FGFRL1: variants seen among roughly 807,000 people sequenced by gnomAD.
The protein encoded by FGFRL1 is fibroblast growth factor receptor-like 1.
Under a neutral mutation model 36.8 loss-of-function variants are expected in FGFRL1, and 24 were observed. The observed-to-expected ratio is 0.65, with a 90% CI of 0.47 to 0.92. The LOEUF (loss-of-function observed/expected upper bound fraction) is 0.92, where lower values mean the gene tolerates loss of function less well. Ranked by LOEUF, FGFRL1 falls within the 40% of genes least tolerant of loss-of-function variation. The pLI is 0.00. For missense variants in FGFRL1, 785 were observed against 753.4 expected, an observed-to-expected ratio of 1.04 and a Z score of -0.49; for synonymous variants, 422 against 344.1, an observed-to-expected ratio of 1.23 and a Z score of -2.50.
chr4:1,021,977 C>T (rs1338979960), intron 2 of FGFRL1, among the ~76,000 whole-genome samples: 2 of 152,236 alleles, frequency 1.3e-5, no homozygotes, highest in Non-Finnish European at 2.9e-5. Context: ...TGAGAGGCTG[C>T]TGACGTGGTG....
chr4:1,018,829 C>T (rs1716027358), intron 2 of FGFRL1, among the ~76,000 whole-genome samples: 1 of 152,120 alleles, frequency 6.6e-6, no homozygotes, highest in Admixed American at 6.5e-5. Flanking sequence ...TGGGCTTCCT[C>T]CTGGGCAGGC....
At chr4:1,022,782 G>T (rs577306709) in intron 3 of FGFRL1, among the ~76,000 whole-genome samples, 1 of 152,334 alleles carries the variant, frequency 6.6e-6, no homozygotes, top group South Asian at 2.1e-4. Flanking sequence ...CCTTGGCAGG[G>T]TGTGCCGGCC....
Position 1,023,749 on chromosome 4 carries a change from G to T in FGFRL1, c.433+28G>T, listed in dbSNP as rs1191558980. ...GAGCAGGGGGTGACGGGGGTGGGGG[G>T]CGTCCGTCTGTCCCGGCCCCTTGGC... On this transcript the variant is annotated intron_variant, in intron 4 of 6. Coordinates refer to ENST00000510644, the MANE Select transcript of FGFRL1 (RefSeq NM_001004356.3). The surrounding 1 kb of genome is among the most constrained non-coding windows in gnomAD (Gnocchi z 6.0). The T allele has an allele frequency of 6.5e-7, 1 of 1,548,490 alleles. No individual in the cohort carries two copies. Among genetic ancestry groups the T allele is most frequent in the Admixed American group, 1.9e-5 (1 of 51,764 alleles).
intron 2 of FGFRL1, among the ~76,000 whole-genome samples, chr4:1,012,770 G>A (rs943215962): frequency 1.3e-5 from 2 of 152,252 alleles, no homozygotes; most frequent in African/African-American, 2.4e-5. Flanking sequence ...CTGGCTGGAG[G>A]GGTTCCCCTC....
rs1346212293 is a variant in FGFRL1 at position 1,024,107 on chromosome 4, T to C, written c.718+6T>C. ...CTACAAGGTGGATGTGATCCGTGAG[T>C]GTGGCCCCGGGCGCTGGCGGGCGGG... On this transcript the variant is annotated splice_donor_region_variant and intron_variant, in intron 5 of 6. Coordinates refer to ENST00000510644, the MANE Select transcript of FGFRL1 (RefSeq NM_001004356.3). The C allele has an allele frequency of 1.3e-6, 2 of 1,539,040 alleles. No homozygotes were observed. Among genetic ancestry groups the C allele is most frequent in the East Asian group, 2.4e-5 (1 of 41,310 alleles).
chr4:1,022,451 G>A lies in FGFRL1; in HGVS notation c.328G>A (p.Val110Ile), dbSNP rs372607043. 1.4e-5 allele frequency: 22 copies of A among 1,607,960 alleles called. No individual in the cohort carries two copies. The African/African-American group carries it at 1.5e-4, about 11-fold the overall frequency. ...KATNGFGSLSVNYTLVVLDDI... is the reference protein window; with the variant it reads ...KATNGFGSLSINYTLVVLDDI... ...CACCAACGGCTTCGGCAGCCTGAGC[G>A]TCAACTACACCCTCGTCGTGCTGGG... Residue 110 changes from valine (V) to isoleucine (I), a missense_variant, in exon 3 of 7, where the codon GTC (valine) becomes ATC (isoleucine). Physicochemically the swap from Val to Ile is conservative, Grantham distance 29. Transcript: ENST00000510644.
rs1350971212 is a variant in FGFRL1, at chr4:1,024,891, T to C, written c.1073-14T>C. 2 of 1,575,946 alleles carry C rather than the reference T, an allele frequency of 1.3e-6. No homozygotes were observed. The highest frequency in any genetic ancestry group is 8.6e-7 in the Non-Finnish European group (1 of 1,165,434). On this transcript the variant is annotated splice_polypyrimidine_tract_variant and intron_variant, in intron 6 of 6. Coordinates refer to ENST00000510644, the MANE Select transcript of FGFRL1 (RefSeq NM_001004356.3). ...GCGTTCCCCTCCCTACCTCCTTTCC[T>C]CTCGCTCTTGCAGACCCAAAACCGC... is the stretch of plus-strand genomic sequence containing the variant.
chr4:1,025,909 C>T lies in FGFRL1; in HGVS notation c.*562C>T, dbSNP rs1064839. On this transcript the variant is annotated 3_prime_UTR_variant, in exon 7 of 7. Transcript: ENST00000510644. Reference sequence around the variant, plus strand: ...TGTGCACAGATATGCTGTCTGGACACGCACACACATGCAGATATGCTGCCT... The same window carrying T: ...TGTGCACAGATATGCTGTCTGGACATGCACACACATGCAGATATGCTGCCT... 5.3e-3 allele frequency: 871 copies of T among 163,818 alleles called. 4 individuals carry two copies. The highest frequency in any genetic ancestry group is 8.5e-3 in the Admixed American group (142 of 16,672). 10.1% of individuals were successfully genotyped at this position (163,818 alleles called of 1,614,324 possible). A position where few individuals can be genotyped will look rare whatever the true frequency, so the allele number is the denominator to read the frequency against.
At position 1,026,080 on chromosome 4, in the gene FGFRL1, C is replaced by T. The variant is rs1311216286; in HGVS notation, c.*733C>T. On this transcript the variant is annotated 3_prime_UTR_variant, in exon 7 of 7. Transcript: ENST00000510644. ...GATATGCTGTCCGGACACACACACG[C>T]ACGCAGATATGCTGCCTGGACACAC... 2 of 124,362 alleles carry T rather than the reference C, an allele frequency of 1.6e-5. No individual in the cohort carries two copies. The highest frequency in any genetic ancestry group is 5.4e-5 in the African/African-American group (2 of 37,324). The allele number at this position is 124,362 out of a possible 1,614,324, so 7.7% of individuals were successfully genotyped here.
At chr4:1,016,585 G>A (rs889266731) in intron 2 of FGFRL1, among the ~76,000 whole-genome samples, 3 of 152,238 alleles carry the variant, frequency 2.0e-5, no homozygotes, top group African/African-American at 7.2e-5. Flanking sequence ...GCAGCATGGT[G>A]GGCCACATGC....
intron 2 of FGFRL1, among the ~76,000 whole-genome samples, chr4:1,014,887 G>C (rs538587760): frequency 6.6e-6 from 1 of 152,234 alleles, no homozygotes; most frequent in Non-Finnish European, 1.5e-5. Flanking sequence ...GGAGGGAGCC[G>C]TGAACAAAGT....
Position 1,023,800 on chromosome 4 carries a change from G to A in FGFRL1, c.434-17G>A, listed in dbSNP as rs757915613. 1.0e-5 allele frequency: 16 copies of A among 1,569,238 alleles called. No individual in the cohort carries two copies. The highest frequency in any genetic ancestry group is 5.4e-5 in the African/African-American group (4 of 73,836). On this transcript the variant is annotated splice_polypyrimidine_tract_variant and intron_variant, in intron 4 of 6. Transcript: ENST00000510644. This position sits in a 1 kb window ranked among gnomAD's most constrained non-coding sequence, Gnocchi z 6.0. ...TGCATCCCCGTCCTCTGACCTCCAC[G>A]CCACCCCACCCCGCAGCACGACCGC...
At position 1,025,331 on chromosome 4, in the gene FGFRL1, T is replaced by G. The variant is rs1227445864; in HGVS notation, c.1499T>G (p.Ile500Ser). ...GTGGAGGGCAAGGTCCACCAGCACA[T>G]CCACTATCAGTGCTAGACGGCACCG... ...SHVEGKVHQHIHYQC is the reference protein window; with the variant it reads ...SHVEGKVHQHSHYQC Residue 500 changes from isoleucine to serine, a missense_variant, in exon 7 of 7, where the codon ATC becomes AGC. Transcript: ENST00000510644. 1.3e-6 allele frequency: 2 copies of G among 1,554,216 alleles called. No individual in the cohort carries two copies. Among genetic ancestry groups the G allele is most frequent in the Non-Finnish European group, 1.7e-6 (2 of 1,148,886 alleles).
chr4:1,024,952 A>G lies in FGFRL1; in HGVS notation c.1120A>G (p.Ser374Gly). 1 of 1,606,608 alleles carries G rather than the reference A, an allele frequency of 6.2e-7. No individual in the cohort carries two copies. Among genetic ancestry groups the G allele is most frequent in the Middle Eastern group, 1.9e-4 (1 of 5,142 alleles). The change falls in exon 7 of 7, where the codon AGC becomes GGC. Residue 374 changes from serine (S) to glycine (G), a missense_variant. Coordinates refer to ENST00000510644, the MANE Select transcript of FGFRL1 (RefSeq NM_001004356.3). ...PPVASSSSATSLPWPVVIGIP... is the reference protein window; with the variant it reads ...PPVASSSSATGLPWPVVIGIP... The stretch of plus-strand genomic sequence containing the variant: ...TGTGGCCTCCTCGTCCTCGGCCACT[A>G]GCCTGCCGTGGCCCGTGGTCATCGG...
intron 2 of FGFRL1, among the ~76,000 whole-genome samples, chr4:1,019,768 G>A: frequency 6.6e-6 from 1 of 152,358 alleles, no homozygotes; most frequent in Middle Eastern, 3.4e-3. Context: ...CCATGGCCTG[G>A]GTGGGAGGGT....
chr4:1,012,627 G>T (rs1008025198), intron 2 of FGFRL1, 63 bp downstream of exon 2: 1 of 723,614 alleles, frequency 1.4e-6, no homozygotes, highest in East Asian at 3.4e-5. Flanking sequence ...TTCCCGCCCG[G>T]CCCTGAACCC....
rs1010428290 is a variant in FGFRL1 at position 1,024,853 on chromosome 4, G to C, written c.1073-52G>C. ...TGGGATGGGTCTGGGGTGCTCTCCT[G>C]GTCTTTGTGTCGGCGTTCCCCTCCC... is the stretch of plus-strand genomic sequence containing the variant. On this transcript the variant is annotated intron_variant, in intron 6 of 6. Coordinates refer to ENST00000510644, the MANE Select transcript of FGFRL1 (RefSeq NM_001004356.3). 8.5e-6 allele frequency: 13 copies of C among 1,528,876 alleles called. No individual in the cohort carries two copies. The South Asian group carries it at 1.2e-4, about 14-fold the overall frequency. 94.7% of individuals were successfully genotyped at this position (1,528,876 alleles called of 1,614,324 possible). A position where few individuals can be genotyped will look rare whatever the true frequency, so the allele number is the denominator to read the frequency against.
intron 2 of FGFRL1, among the ~76,000 whole-genome samples, chr4:1,015,321 G>T (rs936650053): frequency 6.6e-6 from 1 of 152,230 alleles, no homozygotes; most frequent in Non-Finnish European, 1.5e-5. Context: ...GCCCCCTCCA[G>T]GGCTGCACTC....
At chr4:1,024,162 C>T (rs1044715701) in intron 5 of FGFRL1, 61 bp downstream of exon 5, 45 of 269,900 alleles carry the variant, frequency 1.7e-4, no homozygotes, top group African/African-American at 1.3e-3. Flanking sequence ...CGCTGGCGGG[C>T]GGGGGTGCTG....
Sources: allele counts gnomAD v4.1 joint callset (sites outside exome capture counted in the v4.1 genomes callset), GRCh38; gene constraint gnomAD v4.1.1; non-coding constraint Gnocchi (gnomAD v3.1); transcripts MANE v1.5; gene names NCBI Gene and HGNC (gene_info 2026-07-23, HGNC 2026-07-21).